The following AHRR variants were observed in gnomAD, a reference collection of about 807,000 sequenced individuals.
AHRR encodes the protein aryl hydrocarbon receptor repressor.
In AHRR, 28 loss-of-function variants were observed where a neutral mutation model predicts 44.0. That is an observed-to-expected ratio of 0.64 (90% CI 0.47 to 0.87). The LOEUF is 0.87. AHRR is among the 40% of genes least tolerant of loss of function. The pLI is 0.00. For synonymous variants in AHRR, 434 were observed against 407.0 expected (o/e 1.07, Z -0.80); for missense variants, 990 against 953.9 (o/e 1.04, Z -0.50).
chr5:414,182 G>T (rs1735604149), intron 5 of AHRR, among the ~76,000 whole-genome samples: 1 of 152,142 alleles, frequency 6.6e-6, no homozygotes, highest in Non-Finnish European at 1.5e-5. Flanking sequence ...AGAATAGCGT[G>T]AACCTGGGAG....
chr5:346,825 G>A (rs1742694408), intron 2 of AHRR, among the ~76,000 whole-genome samples: 1 of 152,242 alleles, frequency 6.6e-6, no homozygotes, highest in African/African-American at 2.4e-5. Flanking sequence ...TGAACACGCG[G>A]AAGCTCACGT....
intron 5 of AHRR, among the ~76,000 whole-genome samples, chr5:415,872 A>AT (rs1735785783): frequency 6.6e-6 from 1 of 152,050 alleles, no homozygotes; most frequent in Non-Finnish European, 1.5e-5. Context: ...GGGCTTTTGA[A>AT]TTTTTTCCCA....
rs570361361 is a variant in AHRR, at chr5:393,935, G to A, written c.351+17219G>A. 7.2e-5 allele frequency among the ~76,000 whole-genome samples: 11 copies of A among 152,334 alleles called. No individual in the cohort carries two copies. The South Asian group carries it at 2.3e-3, about 32-fold the overall frequency. On this transcript the variant is annotated intron_variant, in intron 4 of 10. Transcript: ENST00000684583. ...GAGCCGCTGCGCCCGGCCTATTGCA[G>A]TGTTTTCTTTCTGGTGGTCGAGAGT...
chr5:340,660 A>G (rs1742296472), intron 1 of AHRR, among the ~76,000 whole-genome samples: 1 of 85,312 alleles, frequency 1.2e-5, no homozygotes, highest in East Asian at 2.5e-4. Context: ...TGTTCACAGC[A>G]ATATTATATA....
At position 376,741 on chromosome 5, in the gene AHRR, A is replaced by G. The variant is rs545588638; in HGVS notation, c.351+25A>G. 5 of 1,570,438 alleles carry G rather than the reference A, an allele frequency of 3.2e-6. No individual in the cohort carries two copies. In the African/African-American group the frequency reaches 6.7e-5, roughly 21 times the overall value. ...GGTGAGTGCCACCCTTGGTACCTCG[A>G]ACACTTGACACTTGGTTCTCCGTGT... On this transcript the variant is annotated intron_variant, in intron 4 of 10. Transcript: ENST00000684583.
At chr5:363,339 AC>A (rs199905289) in intron 3 of AHRR, among the ~76,000 whole-genome samples, 5,081 of 152,216 alleles carry the variant, frequency 0.033, 141 homozygotes, top group Middle Eastern at 0.048. Flanking sequence ...TGACCACACT[AC>A]CCTGGGGTGT....
At chr5:335,498 T>C (rs958997023) in intron 1 of AHRR, among the ~76,000 whole-genome samples, 2 of 152,030 alleles carry the variant, frequency 1.3e-5, no homozygotes, top group African/African-American at 4.8e-5. Context: ...CCACACTCTG[T>C]CTTGTGGGCA....
chr5:434,890 G>A lies in AHRR; in HGVS notation c.*56G>A. On this transcript the variant is annotated 3_prime_UTR_variant, in exon 11 of 11. Transcript: ENST00000684583. ...TGTGTCTACGCTCAGATGCGTCGGT[G>A]GCTGGGCTGCCCTGCTCCTGGTCAG... 1 of 1,492,220 alleles carries A rather than the reference G, an allele frequency of 6.7e-7. No individual in the cohort carries two copies. The highest frequency in any genetic ancestry group is 9.0e-7 in the Non-Finnish European group (1 of 1,114,464). 92.4% of individuals were successfully genotyped at this position (1,492,220 alleles called of 1,614,324 possible). A position where few individuals can be genotyped will look rare whatever the true frequency, so the allele number is the denominator to read the frequency against.
chr5:390,858 G>A (rs1372047341), intron 4 of AHRR, among the ~76,000 whole-genome samples: 1 of 152,150 alleles, frequency 6.6e-6, no homozygotes, highest in Non-Finnish European at 1.5e-5. Flanking sequence ...ACGCACAAAC[G>A]CCTTCCAACC....
At chr5:423,416 C>T (rs970765055) in intron 6 of AHRR, among the ~76,000 whole-genome samples, 2 of 152,176 alleles carry the variant, frequency 1.3e-5, no homozygotes, top group Non-Finnish European at 2.9e-5. Context: ...TGCATCTGGG[C>T]TCTGAGGAGA....
intron 1 of AHRR, among the ~76,000 whole-genome samples, chr5:325,354 C>A (rs1052724964): frequency 6.6e-5 from 10 of 152,194 alleles, no homozygotes; most frequent in African/African-American, 9.6e-5. Flanking sequence ...TTGCTCTATG[C>A]CCGGCCCACC....
rs1735144021 is a variant in AHRR, at chr5:403,956, A to G, written c.352-9388A>G. 15 of 1,383,538 alleles carry G rather than the reference A, an allele frequency of 1.1e-5. No homozygotes were observed. In the South Asian group the frequency reaches 1.7e-4, roughly 16 times the overall value. The allele number at this position is 1,383,538 out of a possible 1,614,324, so 85.7% of individuals were successfully genotyped here. A position where few individuals can be genotyped will look rare whatever the true frequency, so the allele number is the denominator to read the frequency against. On this transcript the variant is annotated intron_variant, in intron 4 of 10. Coordinates refer to ENST00000684583, the MANE Select transcript of AHRR (RefSeq NM_001377236.1). ...TTTGATGAAATATCTCCTCCACTTT[A>G]TTTTCTGACTCGTCTACATTTTCTG...
chr5:402,839 T>A (rs898104240), intron 4 of AHRR, among the ~76,000 whole-genome samples: 5 of 152,192 alleles, frequency 3.3e-5, no homozygotes, highest in Admixed American at 6.5e-5. Flanking sequence ...GCTCTGTGTA[T>A]ACACCATGGA....
intron 1 of AHRR, among the ~76,000 whole-genome samples, chr5:340,071 A>G (rs1742276671): frequency 6.6e-6 from 1 of 152,080 alleles, no homozygotes; most frequent in Non-Finnish European, 1.5e-5. Context: ...ATAAGTCGAC[A>G]ATTTTAAATT....
intron 8 of AHRR, among the ~76,000 whole-genome samples, chr5:431,148 CA>C (rs1736708195): frequency 6.6e-6 from 1 of 152,176 alleles, no homozygotes; most frequent in Admixed American, 6.5e-5. Context: ...CAGAGCAGGG[CA>C]GGGCAGGCCT....
intron 10 of AHRR, 82 bp from the exon 11 acceptor site, chr5:433,771 C>G: frequency 3.7e-6 from 5 of 1,367,284 alleles, no homozygotes; most frequent in Non-Finnish European, 4.8e-6. Flanking sequence ...GATTTCGTAG[C>G]CTCCCTTAGA....
intron 1 of AHRR, among the ~76,000 whole-genome samples, chr5:328,392 G>C (rs1420860503): frequency 6.8e-6 from 1 of 147,004 alleles, no homozygotes; most frequent in Non-Finnish European, 1.5e-5. Context: ...CTCAGCCTCA[G>C]AGGCACCCAT....
chr5:413,566 A>C, intron 5 of AHRR, 133 bp downstream of exon 5: 1 of 681,788 alleles, frequency 1.5e-6, no homozygotes. Flanking sequence ...TATCAGATAA[A>C]GATCTCCACA....
At chr5:408,304 C>T (rs1032143672) in intron 4 of AHRR, among the ~76,000 whole-genome samples, 2 of 152,102 alleles carry the variant, frequency 1.3e-5, no homozygotes, top group East Asian at 1.9e-4. Flanking sequence ...CCTATGAAGT[C>T]GCTGCCTTAG....
Sources: allele counts gnomAD v4.1 joint callset (sites outside exome capture counted in the v4.1 genomes callset), GRCh38; gene constraint gnomAD v4.1.1; transcripts MANE v1.5; gene names NCBI Gene and HGNC (gene_info 2026-07-23, HGNC 2026-07-21).